The following L3HYPDH variants were observed in gnomAD, a reference collection of about 807,000 sequenced individuals.
L3HYPDH encodes the protein trans-3-hydroxy-L-proline dehydratase.
A neutral mutation model predicts 26.5 loss-of-function variants in L3HYPDH; 32 were observed. The observed-to-expected ratio is 1.21, with a 90% CI of 0.91 to 1.62. The LOEUF (loss-of-function observed/expected upper bound fraction) is 1.62. Ranked by LOEUF, L3HYPDH falls within the 40% of genes most tolerant of loss-of-function variation. The pLI is 0.00. For synonymous variants in L3HYPDH, 215 were observed against 196.6 expected (o/e 1.09, Z -0.78); for missense variants, 554 against 476.4 (o/e 1.16, Z -1.52).
intron 1 of L3HYPDH, among the ~76,000 whole-genome samples, chr14:59,481,881 G>C (rs1244342348): frequency 1.3e-5 from 2 of 152,162 alleles, no homozygotes; most frequent in Admixed American, 6.5e-5. Context: ...TCTCCTAAAA[G>C]AGTTGTTTTG....
chr14:59,479,340 C>A lies in L3HYPDH; in HGVS notation c.520G>T (p.Asp174Tyr), dbSNP rs1293063658. The A allele has an allele frequency of 1.9e-6, 3 of 1,610,774 alleles. No homozygotes were observed. The highest frequency in any genetic ancestry group is 8.5e-7 in the Non-Finnish European group (1 of 1,179,194). ...AFVLATDLMV[D>Y]VPGHGKVMVD... ...ATCACCTTTCCATGTCCAGGAACAT[C>A]CACCATGAGATCTAAAAAAAAGATG... Residue 174 changes from aspartate to tyrosine, a missense_variant, in exon 2 of 5, where the codon GAT (aspartate) becomes TAT (tyrosine). Physicochemically the swap from Asp to Tyr is radical, Grantham distance 160 (BLOSUM62 -3). Transcript: ENST00000247194.
intron 1 of L3HYPDH, among the ~76,000 whole-genome samples, chr14:59,466,756 G>C (rs9672051): frequency 0.45 from 68,165 of 151,986 alleles, 15,963 homozygotes; most frequent in African/African-American, 0.58. Context: ...AACTGGGTTT[G>C]TCAGCCTAAG....
At chr14:59,466,930 A>G (rs1889200931) in intron 1 of L3HYPDH, among the ~76,000 whole-genome samples, 1 of 152,166 alleles carries the variant, frequency 6.6e-6, no homozygotes, top group Non-Finnish European at 1.5e-5. Flanking sequence ...TCCTCTTGGG[A>G]GCAGTCAATG....
chr14:59,501,421 A>G, the L3HYPDH span, among the ~76,000 whole-genome samples: 1 of 152,188 alleles, frequency 6.6e-6, no homozygotes, highest in African/African-American at 2.4e-5. Flanking sequence ...TGTTAACTTT[A>G]TGAAAAGTTG....
In L3HYPDH at chr14:59,473,047, G is replaced by A. The variant is rs1046700; in HGVS notation, c.983C>T (p.Ser328Leu). ...TGTACCCGTGTAATGGGCTTGTCCT[G>A]ATACTTCCACTATAACAGCTTTAAA... ...GDFKAVIVEV[S>L]GQAHYTGTAS... Residue 328 changes from serine to leucine, a missense_variant, in exon 5 of 5, where the codon TCA becomes TTA. Coordinates refer to ENST00000247194, the MANE Select transcript of L3HYPDH (RefSeq NM_144581.2). 1 of 1,606,800 alleles carries A rather than the reference G, an allele frequency of 6.2e-7. No individual in the cohort carries two copies. Among genetic ancestry groups the A allele is most frequent in the East Asian group, 2.3e-5 (1 of 44,396 alleles).
At chr14:59,487,930 G>T, upstream of L3HYPDH, 1 of 1,099,186 alleles carries the variant, frequency 9.1e-7, no homozygotes, top group Non-Finnish European at 1.3e-6. Flanking sequence ...TTTAAAAGTG[G>T]TAAACATGTT....
the L3HYPDH span, among the ~76,000 whole-genome samples, chr14:59,492,450 T>C: frequency 2.6e-5 from 4 of 152,318 alleles, no homozygotes; most frequent in African/African-American, 9.6e-5. Context: ...CCAGTCTCTC[T>C]TATAACAATT....
upstream of L3HYPDH, chr14:59,486,574 A>T (rs542147349): frequency 6.2e-6 from 4 of 646,402 alleles, no homozygotes; most frequent in Admixed American, 1.1e-4. Context: ...GTAAATTTAA[A>T]AATGCTTCAA....
the L3HYPDH span, among the ~76,000 whole-genome samples, chr14:59,502,599 A>G: frequency 1.3e-5 from 2 of 152,144 alleles, no homozygotes; most frequent in African/African-American, 2.4e-5. Context: ...TCATCTGTAG[A>G]TGATCCTCAT....
the L3HYPDH span, among the ~76,000 whole-genome samples, chr14:59,497,556 A>G: frequency 2.1e-3 from 318 of 152,284 alleles, 1 homozygote; most frequent in African/African-American, 6.9e-3. Context: ...TTTGCTGTTG[A>G]TAAGAGGTAG....
At chr14:59,485,573 C>G (rs1890486958), upstream of L3HYPDH, 1 of 154,134 alleles carries the variant, frequency 6.5e-6, no homozygotes, top group Non-Finnish European at 1.4e-5. Flanking sequence ...AATGATTGTT[C>G]AAGAATAGTC....
rs1200675936 is a variant in L3HYPDH, at chr14:59,479,273, G to A, written c.587C>T (p.Thr196Ile). The A allele has an allele frequency of 1.3e-5, 21 of 1,613,686 alleles. No individual in the cohort carries two copies. Among genetic ancestry groups the A allele is most frequent in the Non-Finnish European group, 1.7e-5 (20 of 1,179,892 alleles). Residue 196 changes from threonine to isoleucine, a missense_variant, in exon 2 of 5, where the codon ACT becomes ATT. Thr to Ile is a moderately conservative substitution (Grantham distance 89). Transcript: ENST00000247194. Reference sequence around the variant, plus strand: ...AATGTCTAGTCCTAACTTTTCAGCAGTAACAAATGCATAAAATGCACCGCC... The same window carrying A: ...AATGTCTAGTCCTAACTTTTCAGCAATAACAAATGCATAAAATGCACCGCC... The part of the protein sequence containing the change: ...AYGGAFYAFV[T>I]AEKLGLDICS...
In L3HYPDH at chr14:59,484,347, C is replaced by T. The variant is rs1241604416; in HGVS notation, c.-31G>A. 3 of 1,554,152 alleles carry T rather than the reference C, an allele frequency of 1.9e-6. No individual in the cohort carries two copies. The highest frequency in any genetic ancestry group is 2.6e-6 in the Non-Finnish European group (3 of 1,155,030). On this transcript the variant is annotated 5_prime_UTR_variant, in exon 1 of 5. Transcript: ENST00000247194. ...GCGTCGGGGGAGACGAGTACGGTCC[C>T]GCAGCTATGGCTTCAAGCCCGACCC...
chr14:59,466,038 G>A (rs1230005335), intron 1 of L3HYPDH, among the ~76,000 whole-genome samples: 2 of 152,148 alleles, frequency 1.3e-5, no homozygotes, highest in Non-Finnish European at 2.9e-5. Context: ...AATTACTAAG[G>A]ATGGGCCCAT....
chr14:59,501,173 C>T, the L3HYPDH span: 2 of 1,468,982 alleles, frequency 1.4e-6, no homozygotes, highest in South Asian at 1.2e-5. Flanking sequence ...CAACATAATA[C>T]CAATGCTTAT....
At chr14:59,490,819 TTGG>T in the L3HYPDH span, among the ~76,000 whole-genome samples, 16 of 152,118 alleles carry the variant, frequency 1.1e-4, no homozygotes, top group African/African-American at 3.9e-4. Flanking sequence ...GTCCAGTCAA[TTGG>T]TGGGAAGTTC....
upstream of L3HYPDH, among the ~76,000 whole-genome samples, chr14:59,489,055 T>C (rs1370675521): frequency 6.6e-6 from 1 of 152,268 alleles, no homozygotes; most frequent in Non-Finnish European, 1.5e-5. Context: ...AGCACTTGGC[T>C]CTCTTTTAGC....
At chr14:59,484,746 C>T (rs1292269077), upstream of L3HYPDH, 2 of 1,063,848 alleles carry the variant, frequency 1.9e-6, no homozygotes, top group African/African-American at 1.6e-5. Flanking sequence ...GGGCTCCGCA[C>T]TCCTGCGGGG....
At chr14:59,496,324 T>C in the L3HYPDH span, among the ~76,000 whole-genome samples, 1 of 151,316 alleles carries the variant, frequency 6.6e-6, no homozygotes, top group Non-Finnish European at 1.5e-5. Flanking sequence ...ATTCATTGAT[T>C]CGTAGAGCTT....
Sources: allele counts gnomAD v4.1 joint callset (sites outside exome capture counted in the v4.1 genomes callset), GRCh38; gene constraint gnomAD v4.1.1; transcripts MANE v1.5; gene names NCBI Gene and HGNC (gene_info 2026-07-23, HGNC 2026-07-21).